Variants in LMO1 observed in about 807,000 individuals in gnomAD.
LMO1 encodes the protein LIM domain only 1, also known as rhombotin-1.
A neutral mutation model predicts 18.0 loss-of-function variants in LMO1; 10 were observed. That is an observed-to-expected ratio of 0.55 (90% CI 0.34 to 0.94). The LOEUF (loss-of-function observed/expected upper bound fraction) is 0.94, where lower values mean the gene tolerates loss of function less well. Among genes scored for constraint, LMO1 ranks in the 40% least tolerant of loss-of-function variants. The pLI, the probability that LMO1 is intolerant of heterozygous loss-of-function variation, is 0.02. For missense variants in LMO1, 183 were observed against 205.7 expected (o/e 0.89, Z 0.68); for synonymous variants, 77 against 77.9 (o/e 0.99, Z 0.06).
intron 1 of LMO1, among the ~76,000 whole-genome samples, chr11:8,237,521 A>G (rs1952780425): frequency 1.3e-5 from 2 of 151,958 alleles, no homozygotes; most frequent in Non-Finnish European, 2.9e-5. Context: ...AGCATTTCCT[A>G]CTCATTTGGA....
At chr11:8,257,475 C>A (rs1157627671) in intron 1 of LMO1, among the ~76,000 whole-genome samples, 1 of 152,226 alleles carries the variant, frequency 6.6e-6, no homozygotes, top group Admixed American at 6.5e-5. Context: ...AGGGGCATAA[C>A]TGGGACACCC....
upstream of LMO1, among the ~76,000 whole-genome samples, chr11:8,265,123 G>C (rs1246022335): frequency 6.6e-6 from 1 of 152,236 alleles, no homozygotes; most frequent in Non-Finnish European, 1.5e-5. Context: ...AGGGCCACCA[G>C]TTGGGATTCT....
At chr11:8,238,701 G>T (rs1952804670) in intron 1 of LMO1, among the ~76,000 whole-genome samples, 2 of 151,208 alleles carry the variant, frequency 1.3e-5, no homozygotes, top group Non-Finnish European at 2.9e-5. Context: ...AAGAATACTG[G>T]TTACTTGGGG....
chr11:8,264,498 GGA>G (rs1847240656), upstream of LMO1, among the ~76,000 whole-genome samples: 1 of 152,152 alleles, frequency 6.6e-6, no homozygotes, highest in South Asian at 2.1e-4. Context: ...TCATAAGGCA[GGA>G]AAAGAGACAG....
In LMO1 at chr11:8,237,585, C is replaced by A. The variant is rs560200866; in HGVS notation, c.26-7081G>T. 1.9e-4 allele frequency among the ~76,000 whole-genome samples: 29 copies of A among 152,370 alleles called. 1 individual carries two copies. Among genetic ancestry groups the A allele is most frequent in the Admixed American group, 1.6e-3 (24 of 15,306 alleles). On this transcript the variant is annotated intron_variant, in intron 1 of 3. Coordinates refer to ENST00000335790, the MANE Select transcript of LMO1 (RefSeq NM_002315.3). ...AACGCGCGGCTACAGCCACCCAGAGCACGCTCATTACCGCCCCTCTGCACA... is the reference window on the plus strand; with the variant it reads ...AACGCGCGGCTACAGCCACCCAGAGAACGCTCATTACCGCCCCTCTGCACA...
chr11:8,268,518 G>T (rs988285562), upstream of LMO1: 12 of 1,279,728 alleles, frequency 9.4e-6, no homozygotes, highest in Non-Finnish European at 1.2e-5. Context: ...TCCCGCCGCC[G>T]GCCGCCTGCG....
intron 2 of LMO1, among the ~76,000 whole-genome samples, chr11:8,229,252 A>G (rs1054574323): frequency 6.6e-6 from 1 of 152,146 alleles, no homozygotes; most frequent in Non-Finnish European, 1.5e-5. Context: ...GGCAAGGAGC[A>G]CTAAGTCACA....
upstream of LMO1, among the ~76,000 whole-genome samples, chr11:8,264,143 T>C (rs1258991891): frequency 6.6e-6 from 1 of 151,976 alleles, no homozygotes; most frequent in South Asian, 2.1e-4. Flanking sequence ...TCTGATCACA[T>C]CCTTTTCCTT....
intron 1 of LMO1, among the ~76,000 whole-genome samples, chr11:8,238,442 T>C (rs1038104234): frequency 1.3e-5 from 2 of 151,930 alleles, no homozygotes; most frequent in African/African-American, 4.8e-5. Context: ...GAGGCTGAGG[T>C]AGGCGGATCA....
chr11:8,243,877 G>T (rs1327500118), intron 1 of LMO1, among the ~76,000 whole-genome samples: 1 of 152,232 alleles, frequency 6.6e-6, no homozygotes, highest in Non-Finnish European at 1.5e-5. Flanking sequence ...CTGGGTCCCT[G>T]TTGAGCCCCA....
intron 1 of LMO1, among the ~76,000 whole-genome samples, chr11:8,248,735 A>C (rs984999117): frequency 2.6e-5 from 4 of 152,248 alleles, no homozygotes; most frequent in Non-Finnish European, 5.9e-5. Flanking sequence ...GGGAGGGCCA[A>C]GAAACACTTT....
At chr11:8,253,092 G>A (rs1350201976) in intron 1 of LMO1, among the ~76,000 whole-genome samples, 12 of 152,196 alleles carry the variant, frequency 7.9e-5, no homozygotes, top group Admixed American at 7.8e-4. Context: ...GTTTCGAGGA[G>A]AGGAGCCCAG....
chr11:8,226,503 AGAGT>A (rs1460382127), intron 3 of LMO1, among the ~76,000 whole-genome samples: 6 of 152,228 alleles, frequency 3.9e-5, no homozygotes, highest in African/African-American at 7.2e-5. Flanking sequence ...CCTGGGCAAC[AGAGT>A]GAGACTATCT....
At chr11:8,268,209 G>T (rs1278415980), upstream of LMO1, among the ~76,000 whole-genome samples, 1 of 152,214 alleles carries the variant, frequency 6.6e-6, no homozygotes, top group Non-Finnish European at 1.5e-5. Flanking sequence ...TCCCGCCGCC[G>T]CCGAAGCCCG....
chr11:8,268,337 A>T, upstream of LMO1: 1 of 1,158,024 alleles, frequency 8.6e-7, no homozygotes. Flanking sequence ...TGCCGCCGCT[A>T]GCGGGGTGGA....
chr11:8,230,349 C>T lies in LMO1; in HGVS notation c.181G>A (p.Val61Met), dbSNP rs1468840674. 1.2e-6 allele frequency: 2 copies of T among 1,614,092 alleles called. No homozygotes were observed. The highest frequency in any genetic ancestry group is 1.7e-5 in the Admixed American group (1 of 60,028). Residue 61 changes from valine (V) to methionine (M), a missense_variant, in exon 2 of 4, where the codon GTG becomes ATG. Val to Met is a conservative substitution (Grantham distance 21, BLOSUM62 1). Coordinates refer to ENST00000335790, the MANE Select transcript of LMO1 (RefSeq NM_002315.3). ...CACCDCRLGE[V>M]GSTLYTKANL... is the part of the protein sequence containing the mutation. ...GCCTTGGTGTAGAGGGTGGAGCCCA[C>T]CTCGCCCAGGCGGCAGTCACAGCAG...
chr11:8,234,524 TG>T (rs1952727873), intron 1 of LMO1, among the ~76,000 whole-genome samples: 1 of 152,152 alleles, frequency 6.6e-6, no homozygotes, highest in Non-Finnish European at 1.5e-5. Context: ...CCAGTGCCCC[TG>T]GTTTGGATGG....
At chr11:8,227,973 T>C (rs941099778) in intron 2 of LMO1, among the ~76,000 whole-genome samples, 1 of 152,226 alleles carries the variant, frequency 6.6e-6, no homozygotes, top group African/African-American at 2.4e-5. Context: ...CTTGCCAAAA[T>C]TAAAGTGTTT....
Position 8,251,595 on chromosome 11 carries a change from T to G in LMO1, c.25+11743A>C, listed in dbSNP as rs1846994046. 2.6e-5 allele frequency among the ~76,000 whole-genome samples: 4 copies of G among 152,116 alleles called. No homozygotes were observed. In the South Asian group the frequency reaches 8.3e-4, roughly 32 times the overall value. On this transcript the variant is annotated intron_variant, in intron 1 of 3. Coordinates refer to ENST00000335790, the MANE Select transcript of LMO1 (RefSeq NM_002315.3). ...CCACTGGGGTGGCTTTGTAGGGCCC[T>G]CCCAGCCTTGGAAAACTGACCATCT...
Sources: allele counts gnomAD v4.1 joint callset (sites outside exome capture counted in the v4.1 genomes callset), GRCh38; gene constraint gnomAD v4.1.1; transcripts MANE v1.5; gene names NCBI Gene and HGNC (gene_info 2026-07-23, HGNC 2026-07-21).